The following CABCOCO1 variants were observed in gnomAD, a reference collection of about 807,000 sequenced individuals.
CABCOCO1 encodes ciliary-associated calcium-binding coiled-coil protein 1.
Under a neutral mutation model 35.7 loss-of-function variants are expected in CABCOCO1, and 28 were observed. That is an observed-to-expected ratio of 0.78 (90% CI 0.58 to 1.07). The LOEUF is 1.07. Ranked by LOEUF, CABCOCO1 falls within the 50% of genes least tolerant of loss-of-function variation. The pLI, the probability that CABCOCO1 is intolerant of heterozygous loss-of-function variation, is 0.00. For synonymous variants in CABCOCO1, 95 were observed against 100.1 expected, an observed-to-expected ratio of 0.95 and a Z score of 0.30; for missense variants, 326 against 309.2, an observed-to-expected ratio of 1.05 and a Z score of -0.41.
chr10:61,671,231 C>G (rs1386439500), intron 1 of CABCOCO1, among the ~76,000 whole-genome samples: 1 of 151,566 alleles, frequency 6.6e-6, no homozygotes, highest in African/African-American at 2.4e-5. Flanking sequence ...GAGGCTGAGA[C>G]AGGAGAATGG....
intron 5 of CABCOCO1, among the ~76,000 whole-genome samples, chr10:61,743,278 T>C (rs1038832783): frequency 2.0e-5 from 3 of 152,184 alleles, no homozygotes; most frequent in African/African-American, 7.2e-5. Context: ...GATTTCTTTT[T>C]TATATTTTTC....
At chr10:61,761,138 C>T (rs557957043) in intron 7 of CABCOCO1, 135 bp downstream of exon 7, 5 of 900,370 alleles carry the variant, frequency 5.6e-6, no homozygotes, top group African/African-American at 3.4e-5. Context: ...AACAGCTTCA[C>T]ATAATTCTCA....
At chr10:61,736,346 A>G (rs1476803861) in intron 5 of CABCOCO1, among the ~76,000 whole-genome samples, 1 of 152,078 alleles carries the variant, frequency 6.6e-6, no homozygotes, top group Non-Finnish European at 1.5e-5. Flanking sequence ...TCCAGCCTCA[A>G]TCTTCTGCAT....
intron 5 of CABCOCO1, among the ~76,000 whole-genome samples, chr10:61,699,952 T>C (rs1364929159): frequency 1.3e-5 from 2 of 152,138 alleles, no homozygotes; most frequent in Non-Finnish European, 2.9e-5. Flanking sequence ...AGGAGAAAAG[T>C]TTTATTTTAT....
intron 5 of CABCOCO1, among the ~76,000 whole-genome samples, chr10:61,727,956 C>CCTTCT (rs1841199814): frequency 6.6e-6 from 1 of 152,162 alleles, no homozygotes; most frequent in Non-Finnish European, 1.5e-5. Flanking sequence ...AGTGTTTTAT[C>CCTTCT]AATGCCTGTA....
At chr10:61,744,569 A>T (rs17281959) in intron 5 of CABCOCO1, among the ~76,000 whole-genome samples, 1,964 of 152,304 alleles carry the variant, frequency 0.013, 24 homozygotes, top group Middle Eastern at 0.058. Flanking sequence ...TGTTTGAGCC[A>T]GGTGGTAGTT....
At chr10:61,663,710 G>T (rs949379506) in intron 1 of CABCOCO1, among the ~76,000 whole-genome samples, 5 of 152,126 alleles carry the variant, frequency 3.3e-5, no homozygotes, top group Non-Finnish European at 4.4e-5. Flanking sequence ...ACAAAAGGTT[G>T]ATCTTTAGGC....
intron 5 of CABCOCO1, among the ~76,000 whole-genome samples, chr10:61,707,378 C>A (rs961983236): frequency 1.3e-5 from 2 of 152,080 alleles, no homozygotes; most frequent in African/African-American, 4.8e-5. Flanking sequence ...TGTGGCAGAA[C>A]CTCCCTGGCA....
chr10:61,756,600 A>G (rs1429815940), intron 5 of CABCOCO1, among the ~76,000 whole-genome samples: 2 of 152,072 alleles, frequency 1.3e-5, no homozygotes, highest in African/African-American at 4.8e-5. Context: ...CTTTACATTC[A>G]AAGTACTATT....
chr10:61,749,806 C>T (rs1841741790), intron 5 of CABCOCO1, among the ~76,000 whole-genome samples: 1 of 152,122 alleles, frequency 6.6e-6, no homozygotes, highest in African/African-American at 2.4e-5. Flanking sequence ...GGGGCATTGG[C>T]TGAGTTATTT....
intron 5 of CABCOCO1, among the ~76,000 whole-genome samples, chr10:61,731,337 G>A (rs1227710158): frequency 6.6e-6 from 1 of 151,984 alleles, no homozygotes; most frequent in Non-Finnish European, 1.5e-5. Context: ...GAGCTATCAG[G>A]AGAAGCTGCT....
chr10:61,735,409 T>C (rs1042654450), intron 5 of CABCOCO1, among the ~76,000 whole-genome samples: 2 of 152,094 alleles, frequency 1.3e-5, no homozygotes, highest in African/African-American at 4.8e-5. Flanking sequence ...CTTAAATCTT[T>C]AGTCCTAGTT....
intron 3 of CABCOCO1, among the ~76,000 whole-genome samples, chr10:61,681,885 T>G (rs544212792): frequency 1.3e-3 from 203 of 152,210 alleles, no homozygotes; most frequent in African/African-American, 4.7e-3. Context: ...TAATCAAAAT[T>G]CCCTGGGGTG....
At position 61,698,536 on chromosome 10, in the gene CABCOCO1, C is replaced by G. The variant is rs375746876; in HGVS notation, c.552+7915C>G. On this transcript the variant is annotated intron_variant, in intron 5 of 7. Coordinates refer to ENST00000648843, the MANE Select transcript of CABCOCO1 (RefSeq NM_001366906.2). ...CTTGACTAGAGTCACATTTTGGCAG[C>G]CTTTCATAACCCGAAATAATACCAC... is the stretch of plus-strand genomic sequence containing the variant. 6.9e-4 allele frequency among the ~76,000 whole-genome samples: 105 copies of G among 152,190 alleles called. No homozygotes were observed. The Middle Eastern group carries it at 0.01, about 15-fold the overall frequency.
At chr10:61,665,816 G>C (rs545056969) in intron 1 of CABCOCO1, among the ~76,000 whole-genome samples, 1 of 151,448 alleles carries the variant, frequency 6.6e-6, no homozygotes, top group Admixed American at 6.6e-5. Flanking sequence ...GAACCCGGGA[G>C]GCGGAGCTTG....
intron 5 of CABCOCO1, among the ~76,000 whole-genome samples, chr10:61,737,358 T>C (rs1000039755): frequency 1.1e-4 from 17 of 152,158 alleles, no homozygotes; most frequent in African/African-American, 3.9e-4. Context: ...GGTGGGAGTG[T>C]AAATTAGTTC....
intron 5 of CABCOCO1, among the ~76,000 whole-genome samples, chr10:61,738,990 T>C (rs1841486493): frequency 6.6e-6 from 1 of 152,242 alleles, no homozygotes; most frequent in African/African-American, 2.4e-5. Flanking sequence ...TTTTTTTTCT[T>C]AAGTCATTTA....
chr10:61,700,838 T>C (rs943431983), intron 5 of CABCOCO1, among the ~76,000 whole-genome samples: 2 of 152,102 alleles, frequency 1.3e-5, no homozygotes, highest in Non-Finnish European at 2.9e-5. Flanking sequence ...TGGAAAGTTA[T>C]TCACACTATG....
rs537056279 is a variant in CABCOCO1, at chr10:61,670,446, T to G, written c.61-2186T>G. Reference sequence around the variant, plus strand: ...AGCTTACAAAAAAAGTGGTTAATAATGTAGCATATTTTATTTCTAAATTAG... The same window carrying G: ...AGCTTACAAAAAAAGTGGTTAATAAGGTAGCATATTTTATTTCTAAATTAG... On this transcript the variant is annotated intron_variant, in intron 1 of 7. Transcript: ENST00000648843. 2.0e-5 allele frequency among the ~76,000 whole-genome samples: 3 copies of G among 152,294 alleles called. No homozygotes were observed. The East Asian group carries it at 5.8e-4, about 29-fold the overall frequency.
Sources: allele counts gnomAD v4.1 joint callset (sites outside exome capture counted in the v4.1 genomes callset), GRCh38; gene constraint gnomAD v4.1.1; transcripts MANE v1.5; gene names NCBI Gene and HGNC (gene_info 2026-07-23, HGNC 2026-07-21).